Variants in FBRS observed in about 807,000 individuals in gnomAD.
FBRS encodes the protein fibrosin.
A neutral mutation model predicts 86.1 loss-of-function variants in FBRS; 15 were observed. The ratio of observed to expected loss-of-function variants is 0.17; its 90% CI spans 0.12 to 0.27. The LOEUF (loss-of-function observed/expected upper bound fraction) is 0.27, where lower values mean the gene tolerates loss of function less well. FBRS is among the 10% of genes least tolerant of loss of function. FBRS has a pLI of 1.00. For synonymous variants in FBRS, 666 were observed against 575.8 expected (o/e 1.16, Z -2.24); for missense variants, 1,367 against 1,301.6 (o/e 1.05, Z -0.77).
intron 11 of FBRS, chr16:30,666,253 C>T (rs2052521168): frequency 6.8e-6 from 4 of 588,846 alleles, no homozygotes; most frequent in Non-Finnish European, 1.2e-5. Context: ...CTCTGAGAAA[C>T]CTGTCCTGCC....
rs1028254976 is a variant in FBRS, at chr16:30,664,280, C to T, written c.1121C>T (p.Ser374Phe). 2.1e-5 allele frequency: 32 copies of T among 1,503,198 alleles called. No individual in the cohort carries two copies. The highest frequency in any genetic ancestry group is 2.7e-5 in the Non-Finnish European group (30 of 1,118,246). 93.1% of individuals were successfully genotyped at this position (1,503,198 alleles called of 1,614,324 possible). The change falls in exon 7 of 18, where the codon TCT becomes TTT. Residue 374 changes from serine (S) to phenylalanine (F), a missense_variant. By Grantham distance (155) the Ser-to-Phe change is radical. This residue lies in a region of FBRS where 702 missense variants were observed against 598.7 expected (regional missense o/e 1.17). Transcript: ENST00000356166. ...PVAQPPPSSSSSSSSSSSASS... is the reference protein window; with the variant it reads ...PVAQPPPSSSFSSSSSSSASS... ...GCTCAGCCTCCCCCCTCATCATCCTCTTCGTCCTCCTCCTCCTCATCTGCC... is the reference window on the plus strand; with the variant it reads ...GCTCAGCCTCCCCCCTCATCATCCTTTTCGTCCTCCTCCTCCTCATCTGCC...
At position 30,658,722 on chromosome 16, in the gene FBRS, C is replaced by G. The variant is rs1040894277; in HGVS notation, c.-797C>G. 6.6e-6 allele frequency: 1 copy of G among 152,248 alleles called. No homozygotes were observed. The highest frequency in any genetic ancestry group is 1.5e-5 in the Non-Finnish European group (1 of 68,060). The allele number at this position is 152,248 out of a possible 1,614,324, so 9.4% of individuals were successfully genotyped here. A position where few individuals can be genotyped will look rare whatever the true frequency, so the allele number is the denominator to read the frequency against. On this transcript the variant is annotated 5_prime_UTR_variant, in exon 1 of 18. Transcript: ENST00000356166. Reference sequence around the variant, plus strand: ...CCGCCCCGCCTCGCGCCTTTCATGGCGACCGGAGGCGGAGGCTGGAGGAGC... The same window carrying G: ...CCGCCCCGCCTCGCGCCTTTCATGGGGACCGGAGGCGGAGGCTGGAGGAGC...
Position 30,667,393 on chromosome 16 carries a change from C to T in FBRS, c.1949C>T (p.Pro650Leu), listed in dbSNP as rs1466425910. 6.4e-7 allele frequency: 1 copy of T among 1,551,982 alleles called. No individual in the cohort carries two copies. Among genetic ancestry groups the T allele is most frequent in the South Asian group, 1.2e-5 (1 of 84,050 alleles). ...CLPGPYGALP[P>L]GQELSHPASL... Reference sequence around the variant, plus strand: ...CCGGGGCCCTATGGGGCCCTGCCCCCTGGGCAGGAGCTCTCCCACCCGGCC... The same window carrying T: ...CCGGGGCCCTATGGGGCCCTGCCCCTTGGGCAGGAGCTCTCCCACCCGGCC... The change falls in exon 14 of 18, where the codon CCT becomes CTT. Residue 650 changes from proline to leucine, a missense_variant. By Grantham distance (98) the Pro-to-Leu change is moderately conservative (BLOSUM62 -3). This residue lies in a region of FBRS where 659 missense variants were observed against 678.8 expected (regional missense o/e 0.97). Transcript: ENST00000356166.
rs1487913311 is a variant in FBRS, at chr16:30,666,246, T to C, written c.1774-266T>C. ...AAAGTTGGTAATAGGAGAGCTTCTC[T>C]GAGAAACCTGTCCTGCCTGCCCCCT... On this transcript the variant is annotated intron_variant, in intron 11 of 17. Coordinates refer to ENST00000356166, the MANE Select transcript of FBRS (RefSeq NM_001105079.3). The C allele has an allele frequency of 1.4e-5, 8 of 585,896 alleles. No individual in the cohort carries two copies. The East Asian group carries it at 1.7e-4, about 12-fold the overall frequency. 36.3% of individuals were successfully genotyped at this position (585,896 alleles called of 1,614,324 possible).
intron 15 of FBRS, chr16:30,668,177 G>A (rs990076984): frequency 6.0e-5 from 14 of 232,312 alleles, no homozygotes; most frequent in African/African-American, 9.0e-5. Context: ...GCTGCGGAGC[G>A]GAGATCTGCT....
At position 30,670,137 on chromosome 16, in the gene FBRS, C is replaced by T. The variant is rs1031029838; in HGVS notation, c.*492C>T. On this transcript the variant is annotated 3_prime_UTR_variant, in exon 18 of 18. Transcript: ENST00000356166. ...CCCCAAGACCTTTTGTACATTTTTA[C>T]AGGGGTGCCCCTCCCAACAGTTCCC... is the stretch of plus-strand genomic sequence containing the variant. 1 of 459,930 alleles carries T rather than the reference C, an allele frequency of 2.2e-6. No homozygotes were observed. Among genetic ancestry groups the T allele is most frequent in the African/African-American group, 2.0e-5 (1 of 50,142 alleles). 28.5% of individuals were successfully genotyped at this position (459,930 alleles called of 1,614,324 possible).
Position 30,661,206 on chromosome 16 carries a change from T to G in FBRS, c.666T>G (p.Ala222=), listed in dbSNP as rs1191892732. 1 of 1,550,708 alleles carries G rather than the reference T, an allele frequency of 6.4e-7. No individual in the cohort carries two copies. Among genetic ancestry groups the G allele is most frequent in the Non-Finnish European group, 8.7e-7 (1 of 1,147,020 alleles). ...KEASSRHSLE[A]GYICDAESDL... ...CGTCCTCCCGTCACTCTCTGGAAGC[T>G]GGATACATAGTAAGTGCTATCCACC... The change falls in exon 3 of 18, where the codon GCT becomes GCG. Residue 222 remains alanine, a synonymous_variant. Coordinates refer to ENST00000356166, the MANE Select transcript of FBRS (RefSeq NM_001105079.3).
In FBRS at chr16:30,659,818, C is replaced by G. The variant is rs998264319; in HGVS notation, c.300C>G (p.Ala100=). Residue 100 remains alanine (A), a synonymous_variant, in exon 1 of 18, where the codon GCC becomes GCG. Transcript: ENST00000356166. ...GACCCCGAGCTCGGAAGCGGCCTGC[C>G]GGCTCGGGCAGCCGCGGGGAGGAAG... ...PPRPRARKRP[A]GSGSRGEEEE... The G allele has an allele frequency of 1.3e-4, 192 of 1,518,108 alleles. No homozygotes were observed. The highest frequency in any genetic ancestry group is 1.7e-4 in the Non-Finnish European group (188 of 1,137,288). 94.0% of individuals were successfully genotyped at this position (1,518,108 alleles called of 1,614,324 possible).
rs1009593674 is a variant in FBRS at position 30,666,949 on chromosome 16, C to T, written c.1834C>T (p.Arg612Cys). Residue 612 changes from arginine (R) to cysteine (C), a missense_variant, in exon 13 of 18, where the codon CGT (arginine) becomes TGT (cysteine). By Grantham distance (180) the Arg-to-Cys change is radical. Around this residue, in one of 3 missense-constraint regions of FBRS, gnomAD observed 659 missense variants for 678.8 expected, o/e 0.97. Coordinates refer to ENST00000356166, the MANE Select transcript of FBRS (RefSeq NM_001105079.3). Reference protein sequence around the residue: ...KPGKWCAMHVRVAYMILRHQE... With the variant: ...KPGKWCAMHVCVAYMILRHQE... The stretch of plus-strand genomic sequence containing the variant: ...AGGGAAGTGGTGTGCCATGCACGTG[C>T]GTGTGGCTTACATGATCCTGAGACA... 2.5e-6 allele frequency: 4 copies of T among 1,612,578 alleles called. No individual in the cohort carries two copies. The highest frequency in any genetic ancestry group is 2.7e-5 in the African/African-American group (2 of 74,992).
Position 30,667,634 on chromosome 16 carries a change from G to A in FBRS, c.2074+12G>A, listed in dbSNP as rs778612975. 8 of 1,488,242 alleles carry A rather than the reference G, an allele frequency of 5.4e-6. No individual in the cohort carries two copies. The allele number at this position is 1,488,242 out of a possible 1,614,324, so 92.2% of individuals were successfully genotyped here. Reference sequence around the variant, plus strand: ...CAGCACCCACATTGGTAAGAGCCAAGGGCGTGTTGGGCAACCCAGGCTTTG... The same window carrying A: ...CAGCACCCACATTGGTAAGAGCCAAAGGCGTGTTGGGCAACCCAGGCTTTG... On this transcript the variant is annotated intron_variant, in intron 15 of 17. Coordinates refer to ENST00000356166, the MANE Select transcript of FBRS (RefSeq NM_001105079.3).
Position 30,659,989 on chromosome 16 carries a change from T to C in FBRS, c.459+12T>C. 6.5e-7 allele frequency: 1 copy of C among 1,547,464 alleles called. No individual in the cohort carries two copies. The highest frequency in any genetic ancestry group is 8.7e-7 in the Non-Finnish European group (1 of 1,145,818). On this transcript the variant is annotated intron_variant, in intron 1 of 17. Transcript: ENST00000356166. ...TCGAGGCCTTGCAGGTGGGGCCTAATGGGGCTAGGAGACTTTGGGGGTTTC... is the reference window on the plus strand; with the variant it reads ...TCGAGGCCTTGCAGGTGGGGCCTAACGGGGCTAGGAGACTTTGGGGGTTTC...
intron 4 of FBRS, 184 bp from the exon 5 acceptor site, chr16:30,662,236 C>G: frequency 1.1e-6 from 1 of 871,792 alleles, no homozygotes. Flanking sequence ...GTCAGCTGCT[C>G]CACTCTGCTT....
chr16:30,670,795 G>C lies in FBRS; in HGVS notation c.*1150G>C, dbSNP rs528511504. On this transcript the variant is annotated 3_prime_UTR_variant, in exon 18 of 18. Coordinates refer to ENST00000356166, the MANE Select transcript of FBRS (RefSeq NM_001105079.3). Reference sequence around the variant, plus strand: ...GACTTGCGAATATTTATATAAAAACGAGTGTTACAATGAGACCCCCGGCTC... The same window carrying C: ...GACTTGCGAATATTTATATAAAAACCAGTGTTACAATGAGACCCCCGGCTC... The C allele has an allele frequency of 1.9e-5, 3 of 157,116 alleles. No homozygotes were observed. The highest frequency in any genetic ancestry group is 7.2e-5 in the African/African-American group (3 of 41,534). 9.7% of individuals were successfully genotyped at this position (157,116 alleles called of 1,614,324 possible). A position where few individuals can be genotyped will look rare whatever the true frequency, so the allele number is the denominator to read the frequency against.
rs894596224 is a variant in FBRS at position 30,668,321 on chromosome 16, G to A, written c.2075-239G>A. ...TCATTTCACCTCTCTGAGCCTCTCT[G>A]TTTTATCATCTTCAAGTGGGCATGA... On this transcript the variant is annotated intron_variant, in intron 15 of 17. Coordinates refer to ENST00000356166, the MANE Select transcript of FBRS (RefSeq NM_001105079.3). 3.8e-5 allele frequency: 20 copies of A among 522,268 alleles called. No individual in the cohort carries two copies. The Admixed American group carries it at 5.1e-4, about 13-fold the overall frequency. 32.4% of individuals were successfully genotyped at this position (522,268 alleles called of 1,614,324 possible). A position where few individuals can be genotyped will look rare whatever the true frequency, so the allele number is the denominator to read the frequency against.
intron 1 of FBRS, 117 bp from the exon 2 acceptor site, chr16:30,660,146 T>C: frequency 7.1e-7 from 1 of 1,416,628 alleles, no homozygotes; most frequent in Non-Finnish European, 9.2e-7. Flanking sequence ...GAGGTAGAGC[T>C]CGTCTCTGGG....
Position 30,664,425 on chromosome 16 carries a change from C to CCG in FBRS, c.1266_1267insCG (p.Leu423ArgfsTer35). ...CCCCCCCACCACCCCACCACCCCTC[C>CCG]TTGTTCTCCCCTGGCCCCACCCTGC... On this transcript the variant is annotated frameshift_variant, in exon 7 of 18. Coordinates refer to ENST00000356166, the MANE Select transcript of FBRS (RefSeq NM_001105079.3). LOFTEE classifies it high-confidence loss of function. 1 of 1,401,652 alleles carries CCG rather than the reference C, an allele frequency of 7.1e-7. No individual in the cohort carries two copies. Among genetic ancestry groups the CCG allele is most frequent in the Non-Finnish European group, 9.5e-7 (1 of 1,054,474 alleles). The allele number at this position is 1,401,652 out of a possible 1,614,324, so 86.8% of individuals were successfully genotyped here.
At position 30,659,673 on chromosome 16, in the gene FBRS, G is replaced by T; in HGVS notation, c.155G>T (p.Arg52Leu). 1.5e-6 allele frequency: 1 copy of T among 682,340 alleles called. No homozygotes were observed. The highest frequency in any genetic ancestry group is 2.3e-6 in the Non-Finnish European group (1 of 429,538). The allele number at this position is 682,340 out of a possible 1,614,324, so 42.3% of individuals were successfully genotyped here. A position where few individuals can be genotyped will look rare whatever the true frequency, so the allele number is the denominator to read the frequency against. Reference protein sequence around the residue: ...DAPRALLAAPRGSSSSSSPPP... With the variant: ...DAPRALLAAPLGSSSSSSPPP... ...CCCCGGGCCCTGTTGGCCGCCCCGCGCGGCTCCTCGTCCTCGTCGTCGCCG... is the reference window on the plus strand; with the variant it reads ...CCCCGGGCCCTGTTGGCCGCCCCGCTCGGCTCCTCGTCCTCGTCGTCGCCG... Residue 52 changes from arginine (R) to leucine (L), a missense_variant, in exon 1 of 18, where the codon CGC becomes CTC. Arg to Leu is a moderately radical substitution (Grantham distance 102). Around this residue, in one of 3 missense-constraint regions of FBRS, gnomAD observed 702 missense variants for 598.7 expected, o/e 1.17. Transcript: ENST00000356166.
In FBRS at chr16:30,665,255, C is replaced by G. The variant is rs2052509278; in HGVS notation, c.1609-51C>G. On this transcript the variant is annotated intron_variant, in intron 9 of 17. Transcript: ENST00000356166. The surrounding 1 kb of genome is among the most constrained non-coding windows in gnomAD (Gnocchi z 4.1). ...CCCGTGGACTGACGGGCAGGCTGGACTTGGGCTGCGCCTCCACCCCCACCT... is the reference window on the plus strand; with the variant it reads ...CCCGTGGACTGACGGGCAGGCTGGAGTTGGGCTGCGCCTCCACCCCCACCT... 6.5e-7 allele frequency: 1 copy of G among 1,535,730 alleles called. No homozygotes were observed. The highest frequency in any genetic ancestry group is 1.2e-5 in the South Asian group (1 of 83,800).
chr16:30,662,791 G>C lies in FBRS; in HGVS notation c.987G>C (p.Gln329His). ...CACCCCCACCCCAGCCCCAGCTGCA[G>C]CTTCGGGTCTCACCCTTCGGCCTCC... Reference protein sequence around the residue: ...SLPPPPQPQLQLRVSPFGLRT... With the variant: ...SLPPPPQPQLHLRVSPFGLRT... Residue 329 changes from glutamine (Q) to histidine (H), a missense_variant, in exon 6 of 18, where the codon CAG becomes CAC. By Grantham distance (24) the Gln-to-His change is conservative. Transcript: ENST00000356166. The C allele has an allele frequency of 6.7e-7, 1 of 1,495,552 alleles. No homozygotes were observed. The highest frequency in any genetic ancestry group is 9.0e-7 in the Non-Finnish European group (1 of 1,117,268). The allele number at this position is 1,495,552 out of a possible 1,614,324, so 92.6% of individuals were successfully genotyped here.
Sources: gnomAD v4.1 joint callset for allele counts on GRCh38, gnomAD v4.1.1 for gene constraint, gnomAD v4.1.1 regional missense constraint, Gnocchi (gnomAD v3.1) non-coding constraint, MANE v1.5 for transcripts, NCBI Gene and HGNC (gene_info 2026-07-23, HGNC 2026-07-21) for gene names.